PRAMEF4: variants seen among roughly 807,000 people sequenced by gnomAD.
The protein encoded by PRAMEF4 is RP5-845O24.6.
In PRAMEF4, 18 loss-of-function variants were observed where a neutral mutation model predicts 34.4. The ratio of observed to expected loss-of-function variants is 0.52; its 90% CI spans 0.36 to 0.78. The LOEUF (loss-of-function observed/expected upper bound fraction) is 0.78. Ranked by LOEUF, PRAMEF4 falls within the 30% of genes least tolerant of loss-of-function variation. The probability of loss-of-function intolerance (pLI) is 0.00; values close to 1 mark genes in which losing one functional copy is unlikely to be tolerated. For missense variants in PRAMEF4, 482 were observed against 569.1 expected, an observed-to-expected ratio of 0.85 and a Z score of 1.56; for synonymous variants, 156 against 219.3, an observed-to-expected ratio of 0.71 and a Z score of 2.55.
intron 1 of PRAMEF4, among the ~76,000 whole-genome samples, chr1:12,884,635 A>C (rs1465903545): frequency 2.0e-5 from 3 of 147,264 alleles, no homozygotes; most frequent in African/African-American, 5.1e-5. Flanking sequence ...GGATCACTTG[A>C]ACCCAGGAGG....
intron 1 of PRAMEF4, among the ~76,000 whole-genome samples, 179 bp from the exon 2 acceptor site, chr1:12,883,589 T>C (rs1425402583): frequency 6.7e-6 from 1 of 148,932 alleles, no homozygotes. Flanking sequence ...TGCATCAGCA[T>C]GAGCGTCTCC....
At chr1:12,884,288 A>G (rs1167039756) in intron 1 of PRAMEF4, among the ~76,000 whole-genome samples, 1 of 148,918 alleles carries the variant, frequency 6.7e-6, no homozygotes, top group Non-Finnish European at 1.5e-5. Flanking sequence ...ACATACTGGG[A>G]TTATAGGTGT....
intron 3 of PRAMEF4, among the ~76,000 whole-genome samples, 153 bp from the exon 4 acceptor site, chr1:12,880,258 A>T (rs1419403823): frequency 6.6e-6 from 1 of 151,462 alleles, no homozygotes; most frequent in Admixed American, 6.6e-5. Flanking sequence ...ATGATGTGTG[A>T]TGAAGAGCTT....
At chr1:12,880,548 C>G (rs1314316413) in intron 3 of PRAMEF4, among the ~76,000 whole-genome samples, 2 of 149,226 alleles carry the variant, frequency 1.3e-5, no homozygotes, top group Non-Finnish European at 3.0e-5. Context: ...TACACTCCAG[C>G]CTGGGTGACA....
At chr1:12,883,066 T>C (rs762889640) in intron 2 of PRAMEF4, 36 bp downstream of exon 2, 2 of 1,598,474 alleles carry the variant, frequency 1.3e-6, no homozygotes, top group Non-Finnish European at 8.5e-7. Flanking sequence ...GTTGGACACC[T>C]GGGCCCTCCC....
chr1:12,880,454 C>T (rs1397249642), intron 3 of PRAMEF4, among the ~76,000 whole-genome samples: 1 of 150,412 alleles, frequency 6.6e-6, no homozygotes, highest in Non-Finnish European at 1.5e-5. Context: ...GGGGAGCCTG[C>T]AATTCCAGCT....
intron 1 of PRAMEF4, among the ~76,000 whole-genome samples, chr1:12,884,783 C>A (rs1640963511): frequency 6.7e-6 from 1 of 149,862 alleles, no homozygotes; most frequent in Admixed American, 6.8e-5. Flanking sequence ...GGATTTTTGG[C>A]TTTCTTAAAG....
chr1:12,882,631 C>T (rs1640914591), intron 2 of PRAMEF4, among the ~76,000 whole-genome samples, 196 bp from the exon 3 acceptor site: 1 of 147,604 alleles, frequency 6.8e-6, no homozygotes, highest in African/African-American at 2.5e-5. Context: ...CCCTGTGTCG[C>T]CCAGGCTAGA....
intron 3 of PRAMEF4, 151 bp from the exon 4 acceptor site, chr1:12,880,256 T>G (rs1640862712): frequency 2.1e-6 from 3 of 1,426,424 alleles, no homozygotes; most frequent in Non-Finnish European, 2.9e-6. Context: ...GGATGATGTG[T>G]GATGAAGAGC....
chr1:12,882,678 C>T (rs1304738703), intron 2 of PRAMEF4, among the ~76,000 whole-genome samples: 1 of 147,730 alleles, frequency 6.8e-6, no homozygotes, highest in Non-Finnish European at 1.5e-5. Flanking sequence ...GCAACCTCTG[C>T]TTCCCAGATT....
Position 12,881,939 on chromosome 1 carries a change from T to C in PRAMEF4, c.790A>G (p.Thr264Ala). 1.9e-6 allele frequency: 3 copies of C among 1,592,318 alleles called. No homozygotes were observed. Among genetic ancestry groups the C allele is most frequent in the Non-Finnish European group, 8.5e-7 (1 of 1,177,182 alleles). Residue 264 changes from threonine (T) to alanine (A), a missense_variant, in exon 3 of 4, where the codon ACT becomes GCT. Thr to Ala is a moderately conservative substitution (Grantham distance 58). Coordinates refer to ENST00000235349, the MANE Select transcript of PRAMEF4 (RefSeq NM_001009611.4). The stretch of plus-strand genomic sequence containing the variant: ...AGGCAGCGCAGCTTGAGGAACTGAG[T>C]GGTGAACTGGGTAACAATCTCCTTC... ...QKKEIVTQFT[T>A]QFLKLRCLQK...
chr1:12,885,006 C>T (rs1640972770), intron 1 of PRAMEF4, among the ~76,000 whole-genome samples: 1 of 150,602 alleles, frequency 6.6e-6, no homozygotes, highest in African/African-American at 2.4e-5. Flanking sequence ...GTTGAGGGAT[C>T]CTTGGCCACA....
Position 12,883,245 on chromosome 1 carries a change from G to C in PRAMEF4, c.150C>G (p.Arg50=). The stretch of plus-strand genomic sequence containing the variant: ...GCACCATCAGCTTCAGGGCCTCACA[G>C]CGTCTCCTGCTGAAGGCCTCCATGA... ...PLFMEAFSRR[R]CEALKLMVQS... Residue 50 remains arginine (R), a synonymous_variant, in exon 2 of 4, where the codon CGC becomes CGG. Transcript: ENST00000235349. The C allele has an allele frequency of 6.3e-7, 1 of 1,599,346 alleles. No homozygotes were observed. Among genetic ancestry groups the C allele is most frequent in the Non-Finnish European group, 8.5e-7 (1 of 1,173,126 alleles).
Position 12,885,298 on chromosome 1 carries a change from C to T in PRAMEF4, c.-17+849G>A, listed in dbSNP as rs527708257. Among the ~76,000 whole-genome samples the T allele has an allele frequency of 1.2e-3, 174 of 149,804 alleles. 16 individuals are homozygous for T. The highest frequency in any genetic ancestry group is 4.1e-3 in the African/African-American group (167 of 40,442). The stretch of plus-strand genomic sequence containing the variant: ...GCATGCACCCCCCACAGCCATGCCT[C>T]CATTTGGGTGGAAGAGGATGTGATT... On this transcript the variant is annotated intron_variant, in intron 1 of 3. Transcript: ENST00000235349.
intron 1 of PRAMEF4, among the ~76,000 whole-genome samples, chr1:12,884,897 T>C (rs5026364): frequency 1.3e-3 from 190 of 148,106 alleles, no homozygotes; most frequent in African/African-American, 4.5e-3. Flanking sequence ...CATGGAGTTT[T>C]ACTAATATGT....
intron 2 of PRAMEF4, among the ~76,000 whole-genome samples, chr1:12,882,810 C>T (rs1640918331): frequency 6.8e-6 from 1 of 147,518 alleles, no homozygotes; most frequent in African/African-American, 2.5e-5. Context: ...GGCTGGCCTC[C>T]AACTCTTGAC....
chr1:12,883,150 G>A lies in PRAMEF4; in HGVS notation c.245C>T (p.Ala82Val). Residue 82 changes from alanine (A) to valine (V), a missense_variant, in exon 2 of 4, where the codon GCT becomes GTT. Ala to Val is a moderately conservative substitution (Grantham distance 64). Around this residue, in one of 6 missense-constraint regions of PRAMEF4, gnomAD observed 172 missense variants for 130.2 expected, o/e 1.32. Transcript: ENST00000235349. ...IKMPCLEAFQAVLDGLDALLN... is the reference protein window; with the variant it reads ...IKMPCLEAFQVVLDGLDALLN... ...CAGTGCATCCAGCCCATCGAGCACA[G>A]CTTGGAAGGCCTCCAGACAAGGCAT... The A allele has an allele frequency of 6.2e-7, 1 of 1,601,516 alleles. No homozygotes were observed. The highest frequency in any genetic ancestry group is 1.1e-5 in the South Asian group (1 of 90,202).
intron 1 of PRAMEF4, among the ~76,000 whole-genome samples, chr1:12,885,191 A>G (rs796502484): frequency 6.7e-6 from 1 of 150,174 alleles, no homozygotes; most frequent in Admixed American, 6.8e-5. Context: ...GTGCAGTGGC[A>G]CCATCATGGC....
chr1:12,884,945 G>T (rs1413427844), intron 1 of PRAMEF4, among the ~76,000 whole-genome samples: 1 of 150,330 alleles, frequency 6.7e-6, no homozygotes, highest in Non-Finnish European at 1.5e-5. Flanking sequence ...GGGAAGGGTT[G>T]AATCTCTTCC....
Sources: gnomAD v4.1 joint callset for allele counts (sites outside exome capture counted in the v4.1 genomes callset) on GRCh38, gnomAD v4.1.1 for gene constraint, gnomAD v4.1.1 regional missense constraint, MANE v1.5 for transcripts, NCBI Gene and HGNC (gene_info 2026-07-23, HGNC 2026-07-21) for gene names.